The following TEX14 variants were observed in gnomAD, a reference collection of about 807,000 sequenced individuals.
TEX14 encodes the protein testis expressed 14, intercellular bridge forming factor, also known as inactive serine/threonine-protein kinase TEX14.
In TEX14, 168 loss-of-function variants were observed where a neutral mutation model predicts 178.6. The ratio of observed to expected loss-of-function variants is 0.94; its 90% CI spans 0.83 to 1.07. The LOEUF (loss-of-function observed/expected upper bound fraction) is 1.07, where lower values mean the gene tolerates loss of function less well. Among genes scored for constraint, TEX14 ranks in the 50% least tolerant of loss-of-function variants. TEX14 has a pLI of 0.00. For synonymous variants in TEX14, 626 were observed against 634.1 expected (o/e 0.99, Z 0.19); for missense variants, 1,730 against 1,753.6 (o/e 0.99, Z 0.24).
chr17:58,624,041 T>C (rs2046071727), intron 3 of TEX14, among the ~76,000 whole-genome samples: 1 of 152,128 alleles, frequency 6.6e-6, no homozygotes, highest in African/African-American at 2.4e-5. Context: ...CCCAGCACTT[T>C]GGGAGGCCGA....
At chr17:58,585,762 A>AT in intron 18 of TEX14, 39 bp downstream of exon 18, 1 of 1,605,012 alleles carries the variant, frequency 6.2e-7, no homozygotes, top group South Asian at 1.1e-5. Flanking sequence ...CTGATACTTG[A>AT]TTGAGTTCAC....
Position 58,557,055 on chromosome 17 carries a change from CAT to C in TEX14, c.4320-10_4320-9del, listed in dbSNP as rs1161885822. On this transcript the variant is annotated splice_polypyrimidine_tract_variant and intron_variant, in intron 31 of 31. Coordinates refer to ENST00000349033, the MANE Select transcript of TEX14 (RefSeq NM_031272.5). The stretch of plus-strand genomic sequence containing the variant: ...TGATCCAGCACGATTATCCTATGCA[CAT>C]GTTTTTTAAAGAACAAAAAAGGAAG... 17 of 1,613,272 alleles carry C rather than the reference CAT, an allele frequency of 1.1e-5. No individual in the cohort carries two copies. The highest frequency in any genetic ancestry group is 1.4e-5 in the Non-Finnish European group (17 of 1,179,304).
chr17:58,640,112 A>T (rs1039352745), intron 2 of TEX14, among the ~76,000 whole-genome samples: 1 of 152,090 alleles, frequency 6.6e-6, no homozygotes, highest in Non-Finnish European at 1.5e-5. Flanking sequence ...GGAGTTTGAG[A>T]CCAGCCTGGC....
At chr17:58,613,157 G>A (rs963301642) in intron 9 of TEX14, among the ~76,000 whole-genome samples, 2 of 151,192 alleles carry the variant, frequency 1.3e-5, no homozygotes, top group East Asian at 1.9e-4. Flanking sequence ...AGCCAAGATC[G>A]CGCCACTGCA....
chr17:58,659,070 ACG>A (rs1169416089), intron 1 of TEX14, among the ~76,000 whole-genome samples: 2 of 112,846 alleles, frequency 1.8e-5, no homozygotes, highest in Non-Finnish European at 3.4e-5. Flanking sequence ...CCAAAACCAA[ACG>A]CGCGCCACTA....
intron 30 of TEX14, among the ~76,000 whole-genome samples, chr17:58,558,540 C>A (rs990739433): frequency 3.9e-5 from 6 of 152,100 alleles, no homozygotes; most frequent in African/African-American, 1.4e-4. Context: ...AGATGCAGTC[C>A]ACTAGGGTCA....
chr17:58,617,800 C>A (rs748760839), intron 5 of TEX14, among the ~76,000 whole-genome samples, 181 bp from the exon 6 acceptor site: 2 of 152,214 alleles, frequency 1.3e-5, no homozygotes, highest in African/African-American at 4.8e-5. Flanking sequence ...TTCTCACTTA[C>A]CGGTATGCAT....
chr17:58,579,066 C>T (rs928265443), intron 20 of TEX14, among the ~76,000 whole-genome samples: 11 of 152,226 alleles, frequency 7.2e-5, no homozygotes, highest in Non-Finnish European at 2.9e-5. Flanking sequence ...TCTGGTGCCA[C>T]ATCCCTGGCT....
chr17:58,600,085 A>G (rs1052544785), intron 13 of TEX14, among the ~76,000 whole-genome samples: 6 of 151,876 alleles, frequency 4.0e-5, no homozygotes, highest in Non-Finnish European at 7.4e-5. Flanking sequence ...CTCCCGTCTC[A>G]CTCTCCCAAA....
In TEX14 at chr17:58,556,997, T is replaced by C; in HGVS notation, c.*14A>G. 1 of 1,610,854 alleles carries C rather than the reference T, an allele frequency of 6.2e-7. No individual in the cohort carries two copies. Among genetic ancestry groups the C allele is most frequent in the East Asian group, 2.2e-5 (1 of 44,874 alleles). On this transcript the variant is annotated 3_prime_UTR_variant, in exon 32 of 32. Transcript: ENST00000349033. ...CAAACTCAGGCCAGGAGTCCGTCTA[T>C]GATCCAATTCCAATCAGTCTGACAA...
chr17:58,587,726 T>C lies in TEX14; in HGVS notation c.2703-60A>G, dbSNP rs1260817958. ...CGGGGTGGACACAAACACATCAGTT[T>C]GCTCAAGTTCTTGACAGAACCAAAA... On this transcript the variant is annotated intron_variant, in intron 16 of 31. Transcript: ENST00000349033. 12 of 1,319,838 alleles carry C rather than the reference T, an allele frequency of 9.1e-6. 1 individual carries two copies. The highest frequency in any genetic ancestry group is 1.8e-4 in the Middle Eastern group (1 of 5,438). The allele number at this position is 1,319,838 out of a possible 1,614,324, so 81.8% of individuals were successfully genotyped here.
intron 10 of TEX14, among the ~76,000 whole-genome samples, chr17:58,608,285 C>A (rs776173803): frequency 6.6e-6 from 1 of 152,040 alleles, no homozygotes; most frequent in Non-Finnish European, 1.5e-5. Context: ...GGTATGGTGG[C>A]GGGTGCCTGT....
At chr17:58,603,318 G>A (rs528436406) in intron 11 of TEX14, among the ~76,000 whole-genome samples, 1 of 152,084 alleles carries the variant, frequency 6.6e-6, no homozygotes, top group African/African-American at 2.4e-5. Flanking sequence ...ACTTTGGGAG[G>A]CCGAGGTGGG....
In TEX14 at chr17:58,613,461, C is replaced by T. The variant is rs776868652; in HGVS notation, c.965G>A (p.Arg322His). Reference sequence around the variant, plus strand: ...ACTGAACAATGTGCCGATAGTGATGCGCTCGTACACAAGGCGGGTTTTCTC... The same window carrying T: ...ACTGAACAATGTGCCGATAGTGATGTGCTCGTACACAAGGCGGGTTTTCTC... ...DLEKTRLVYE[R>H]ITIGTLFSVL... The change falls in exon 9 of 32, where the codon CGC (arginine) becomes CAC (histidine). Residue 322 changes from arginine (R) to histidine (H), a missense_variant. By Grantham distance (29) the Arg-to-His change is conservative. Coordinates refer to ENST00000349033, the MANE Select transcript of TEX14 (RefSeq NM_031272.5). The T allele has an allele frequency of 8.1e-6, 13 of 1,613,932 alleles. No individual in the cohort carries two copies. The highest frequency in any genetic ancestry group is 2.2e-5 in the East Asian group (1 of 44,888).
At chr17:58,673,727 A>G (rs564302368) in intron 1 of TEX14, among the ~76,000 whole-genome samples, 3 of 151,674 alleles carry the variant, frequency 2.0e-5, no homozygotes, top group Non-Finnish European at 4.4e-5. Flanking sequence ...ATGCCCAGCT[A>G]ATTTTTTCAA....
chr17:58,617,646 A>T (rs771397599), intron 5 of TEX14, 27 bp from the exon 6 acceptor site: 1 of 1,554,648 alleles, frequency 6.4e-7, no homozygotes, highest in East Asian at 2.2e-5. Flanking sequence ...CAGGAAAAAA[A>T]CCTCAGAATT....
intron 1 of TEX14, among the ~76,000 whole-genome samples, chr17:58,689,017 GC>G (rs1407604908): frequency 1.3e-5 from 2 of 151,928 alleles, no homozygotes; most frequent in African/African-American, 4.8e-5. Flanking sequence ...TGCAAGCTCT[GC>G]CTCCCGGGTT....
intron 3 of TEX14, among the ~76,000 whole-genome samples, chr17:58,626,046 C>T (rs1006057194): frequency 1.3e-5 from 2 of 152,048 alleles, no homozygotes; most frequent in Non-Finnish European, 2.9e-5. Context: ...CTGTGCCCGG[C>T]AACATTTGGG....
chr17:58,614,262 G>A lies in TEX14; in HGVS notation c.882-718C>T, dbSNP rs1001196420. Among the ~76,000 whole-genome samples the A allele has an allele frequency of 3.3e-5, 5 of 152,282 alleles. No homozygotes were observed. The East Asian group carries it at 5.8e-4, about 18-fold the overall frequency. ...CCCAGCACTTTGGGAGGCCAAGGTGGGCAGATCACTTGAAATCAGGAGTTT... is the reference window on the plus strand; with the variant it reads ...CCCAGCACTTTGGGAGGCCAAGGTGAGCAGATCACTTGAAATCAGGAGTTT... On this transcript the variant is annotated intron_variant, in intron 8 of 31. Coordinates refer to ENST00000349033, the MANE Select transcript of TEX14 (RefSeq NM_031272.5).
Sources: allele counts gnomAD v4.1 joint callset (sites outside exome capture counted in the v4.1 genomes callset), GRCh38; gene constraint gnomAD v4.1.1; transcripts MANE v1.5; gene names NCBI Gene and HGNC (gene_info 2026-07-23, HGNC 2026-07-21).